The following SPG7 variants were observed in gnomAD, a reference collection of about 807,000 sequenced individuals.
SPG7 encodes SPG7 matrix AAA peptidase subunit, paraplegin, also known as mitochondrial inner membrane m-AAA protease component paraplegin.
Under a neutral mutation model 81.9 loss-of-function variants are expected in SPG7, and 103 were observed. The ratio of observed to expected loss-of-function variants is 1.26; its 90% CI spans 1.07 to 1.48. SPG7 has a LOEUF of 1.48. SPG7 is among the 40% of genes most tolerant of loss of function. The pLI, the probability that SPG7 is intolerant of heterozygous loss-of-function variation, is 0.00. For missense variants in SPG7, 1,241 were observed against 1,087.3 expected (o/e 1.14, Z -1.99); for synonymous variants, 534 against 444.2 (o/e 1.20, Z -2.54).
intron 5 of SPG7, chr16:89,528,588 A>G (rs2058299145): frequency 6.7e-6 from 1 of 150,002 alleles, no homozygotes; most frequent in Non-Finnish European, 1.5e-5. Flanking sequence ...ATGAGGGCAA[A>G]AGTCCTGGGA....
intron 1 of SPG7, chr16:89,508,995 G>A (rs1567892242): frequency 6.3e-6 from 3 of 475,662 alleles, no homozygotes; most frequent in Non-Finnish European, 1.3e-5. Context: ...AGTTAGGGTG[G>A]TTATTGCCGA....
intron 9 of SPG7, chr16:89,544,358 G>T (rs190784906): frequency 1.5e-5 from 6 of 408,100 alleles, no homozygotes; most frequent in Non-Finnish European, 2.3e-5. Flanking sequence ...CTCCCAGATG[G>T]CACCGTGAGG....
At chr16:89,512,612 G>GT (rs1207374343) in intron 2 of SPG7, among the ~76,000 whole-genome samples, 5 of 152,202 alleles carry the variant, frequency 3.3e-5, no homozygotes, top group Admixed American at 3.3e-4. Context: ...CGCCTGGCGT[G>GT]TTTAAGTTCT....
chr16:89,547,883 G>C, intron 11 of SPG7, 120 bp from the exon 12 acceptor site: 1 of 795,318 alleles, frequency 1.3e-6, no homozygotes, highest in Non-Finnish European at 2.2e-6. Flanking sequence ...AAAGTGCTGG[G>C]ATTACAGGGG....
chr16:89,515,947 G>A (rs1342152846), intron 3 of SPG7, among the ~76,000 whole-genome samples: 2 of 151,864 alleles, frequency 1.3e-5, no homozygotes, highest in East Asian at 2.0e-4. Context: ...GATGTCAGGC[G>A]ATCTGCCCAT....
intron 5 of SPG7, among the ~76,000 whole-genome samples, chr16:89,528,129 G>A (rs527438027): frequency 3.2e-4 from 48 of 150,868 alleles, no homozygotes; most frequent in African/African-American, 1.0e-3. Flanking sequence ...GGTGGCTCAC[G>A]CCTGTAATTC....
At chr16:89,537,853 A>G (rs890842561) in intron 9 of SPG7, 2 of 840,132 alleles carry the variant, frequency 2.4e-6, no homozygotes, top group African/African-American at 3.7e-5. Flanking sequence ...TTTGTCCTTA[A>G]TGTGGCAGTA....
intron 9 of SPG7, chr16:89,540,873 A>G (rs1352330777): frequency 1.0e-6 from 1 of 980,616 alleles, no homozygotes; most frequent in East Asian, 1.1e-4. Flanking sequence ...TACCTGTAAT[A>G]GCTAAAAACT....
chr16:89,536,488 A>C lies in SPG7; in HGVS notation c.1324+3852A>C, dbSNP rs1238669262. On this transcript the variant is annotated intron_variant, in intron 9 of 16. Transcript: ENST00000645818. ...TGAGGCGGGTGAGGCGGGTGAGGTC[A>C]GGTGAGGCAGGTGAGGTGAGGCGGG... Among the ~76,000 whole-genome samples the C allele has an allele frequency of 1.2e-3, 47 of 40,798 alleles. 1 individual carries two copies. Among genetic ancestry groups the C allele is most frequent in the Non-Finnish European group, 1.4e-3 (27 of 19,398 alleles). 26.8% of individuals were successfully genotyped at this position (40,798 alleles called of 152,430 possible).
At chr16:89,556,855 G>C in intron 16 of SPG7, 32 bp from the exon 17 acceptor site, 1 of 1,532,892 alleles carries the variant, frequency 6.5e-7, no homozygotes. Context: ...CTGCCCTGGG[G>C]ACTCACACAC....
At chr16:89,508,940 C>T (rs1255084471) in intron 1 of SPG7, 1 of 523,200 alleles carries the variant, frequency 1.9e-6, no homozygotes, top group Admixed American at 2.3e-5. Context: ...ATTTACAGTC[C>T]ACGCCTGTGG....
In SPG7 at chr16:89,523,974, T is replaced by C. The variant is rs369911799; in HGVS notation, c.377-32T>C. 1.1e-4 allele frequency: 173 copies of C among 1,609,000 alleles called. No individual in the cohort carries two copies. The African/African-American group carries it at 1.9e-3, about 18-fold the overall frequency. On this transcript the variant is annotated intron_variant, in intron 3 of 16. Coordinates refer to ENST00000645818, the MANE Select transcript of SPG7 (RefSeq NM_003119.4). Reference sequence around the variant, plus strand: ...CGCCCGTGTCTGTTGCTCATGTGTTTGTTTCTCCCTTTTGCTTCTCTGCCG... The same window carrying C: ...CGCCCGTGTCTGTTGCTCATGTGTTCGTTTCTCCCTTTTGCTTCTCTGCCG...
chr16:89,509,736 G>C (rs1342401682), intron 1 of SPG7, among the ~76,000 whole-genome samples: 3 of 151,580 alleles, frequency 2.0e-5, no homozygotes, highest in African/African-American at 7.3e-5. Flanking sequence ...TCCTGCAGAA[G>C]CTTCAGGCCA....
At chr16:89,533,009 G>A (rs553856061) in intron 9 of SPG7, 1 of 287,536 alleles carries the variant, frequency 3.5e-6, no homozygotes, top group Non-Finnish European at 6.8e-6. Context: ...GGTGGAGGTT[G>A]CAGTGAGCCA....
At chr16:89,552,294 C>T (rs1474058009) in intron 13 of SPG7, 1 of 154,112 alleles carries the variant, frequency 6.5e-6, no homozygotes, top group Non-Finnish European at 1.4e-5. Flanking sequence ...CTCCTGGGCT[C>T]ATGCAATCTG....
chr16:89,530,563 T>A (rs1352009979), intron 6 of SPG7, 120 bp from the exon 7 acceptor site: 3 of 1,122,872 alleles, frequency 2.7e-6, no homozygotes, highest in Non-Finnish European at 4.1e-6. Context: ...AGTGAAGCCT[T>A]GGGATCCTAG....
At position 89,548,068 on chromosome 16, in the gene SPG7, G is replaced by A. The variant is rs149437163; in HGVS notation, c.1618G>A (p.Val540Met). 24 of 1,610,468 alleles carry A rather than the reference G, an allele frequency of 1.5e-5. No individual in the cohort carries two copies. The highest frequency in any genetic ancestry group is 1.1e-4 in the African/African-American group (8 of 74,942). ...CGCGGCGCGGGAGGGACACACTTCC[G>A]TGCACACTCTCAACTTCGAGTACGC... ...LHAAREGHTS[V>M]HTLNFEYAVE... The change falls in exon 12 of 17, where the codon GTG becomes ATG. Residue 540 changes from valine (V) to methionine (M), a missense_variant. Val to Met is a conservative substitution (Grantham distance 21). Transcript: ENST00000645818.
chr16:89,510,563 A>C lies in SPG7; in HGVS notation c.257A>C (p.Gln86Pro). 1 of 1,612,958 alleles carries C rather than the reference A, an allele frequency of 6.2e-7. No homozygotes were observed. The highest frequency in any genetic ancestry group is 8.5e-7 in the Non-Finnish European group (1 of 1,179,204). ...NGLLLKQHLV[Q>P]NPVRLWQLLG... ...TTGTTGTTGAAACAACATTTAGTTC[A>C]GAATCCAGTCAGACTCTGGCAACTT... Residue 86 changes from glutamine (Q) to proline (P), a missense_variant, in exon 2 of 17, where the codon CAG becomes CCG. Transcript: ENST00000645818.
rs141882852 is a variant in SPG7, at chr16:89,526,762, C to T, written c.758+294C>T. On this transcript the variant is annotated intron_variant, in intron 5 of 16. Transcript: ENST00000645818. ...AAGTCTAAGCCCCTGATGTAGATGC[C>T]GAAGTCTCAGCCCCCGACGTAAGAT... 9,947 of 383,020 alleles carry T rather than the reference C, an allele frequency of 0.026. 217 individuals carry two copies. Among genetic ancestry groups the T allele is most frequent in the Non-Finnish European group, 0.039 (7,887 of 200,150 alleles). 23.7% of individuals were successfully genotyped at this position (383,020 alleles called of 1,614,324 possible).
Sources: gnomAD v4.1 joint callset for allele counts (sites outside exome capture counted in the v4.1 genomes callset) on GRCh38, gnomAD v4.1.1 for gene constraint, MANE v1.5 for transcripts, NCBI Gene and HGNC (gene_info 2026-07-23, HGNC 2026-07-21) for gene names.